RANBP17: variants seen among roughly 807,000 people sequenced by gnomAD.
RANBP17 encodes the protein RAN binding protein 17, also known as ran-binding protein 17.
RANBP17 carries 158 observed loss-of-function variants against 141.2 expected under a neutral mutation model. That is an observed-to-expected ratio of 1.12 (90% CI 0.98 to 1.28). The LOEUF is 1.28. Among genes scored for constraint, RANBP17 ranks in the 50% most tolerant of loss-of-function variants. The pLI, the probability that RANBP17 is intolerant of heterozygous loss-of-function variation, is 0.00. For synonymous variants in RANBP17, 430 were observed against 450.0 expected (o/e 0.96, Z 0.56); for missense variants, 1,438 against 1,290.7 (o/e 1.11, Z -1.75).
intron 13 of RANBP17, among the ~76,000 whole-genome samples, chr5:170,954,667 C>T (rs1306754241): frequency 1.3e-5 from 2 of 149,018 alleles, no homozygotes; most frequent in African/African-American, 5.0e-5. Flanking sequence ...TTAGGTTGTT[C>T]CTCAATTTTT....
chr5:171,175,669 A>G (rs1760416636), intron 16 of RANBP17, among the ~76,000 whole-genome samples: 1 of 152,150 alleles, frequency 6.6e-6, no homozygotes, highest in Admixed American at 6.6e-5. Context: ...GCCAACAAAC[A>G]TATGAAAAAA....
At chr5:171,051,929 T>C (rs1237286333) in intron 14 of RANBP17, among the ~76,000 whole-genome samples, 3 of 152,180 alleles carry the variant, frequency 2.0e-5, no homozygotes, top group Non-Finnish European at 1.5e-5. Context: ...TGTTGTTTTA[T>C]GTTATTGTAG....
intron 14 of RANBP17, among the ~76,000 whole-genome samples, chr5:171,069,272 C>T (rs1382781407): frequency 6.6e-6 from 1 of 152,200 alleles, no homozygotes; most frequent in Non-Finnish European, 1.5e-5. Context: ...GCCCTAGCAG[C>T]AGGAAGCTGC....
intron 19 of RANBP17, among the ~76,000 whole-genome samples, chr5:171,200,101 T>C (rs973782021): frequency 6.6e-6 from 1 of 152,200 alleles, no homozygotes; most frequent in East Asian, 1.9e-4. Flanking sequence ...TGCACTGTTA[T>C]GTTACAACAG....
At chr5:170,869,811 G>A (rs1767565905) in intron 1 of RANBP17, among the ~76,000 whole-genome samples, 1 of 152,180 alleles carries the variant, frequency 6.6e-6, no homozygotes, top group Non-Finnish European at 1.5e-5. Flanking sequence ...TATAGGTACT[G>A]GAGTTGGGAG....
chr5:171,299,211 G>A lies in RANBP17; in HGVS notation c.*353G>A, dbSNP rs1408015887. Reference sequence around the variant, plus strand: ...ACTAGTTTATGGTTCTGCAGTCAAGGTTGTCAATTTGTTGGAGATGCAGCC... The same window carrying A: ...ACTAGTTTATGGTTCTGCAGTCAAGATTGTCAATTTGTTGGAGATGCAGCC... On this transcript the variant is annotated 3_prime_UTR_variant, in exon 28 of 28. Transcript: ENST00000523189. The A allele has an allele frequency of 1.2e-4, 30 of 248,156 alleles. No homozygotes were observed. In the Admixed American group the frequency reaches 1.6e-3, roughly 13 times the overall value. 15.4% of individuals were successfully genotyped at this position (248,156 alleles called of 1,614,324 possible). A position where few individuals can be genotyped will look rare whatever the true frequency, so the allele number is the denominator to read the frequency against.
intron 24 of RANBP17, among the ~76,000 whole-genome samples, chr5:171,257,980 C>T (rs1766016632): frequency 6.6e-6 from 1 of 152,010 alleles, no homozygotes; most frequent in African/African-American, 2.4e-5. Context: ...TGGCACATGC[C>T]TGTTAATCCC....
At chr5:171,291,289 G>A (rs1029487162) in intron 25 of RANBP17, among the ~76,000 whole-genome samples, 4 of 152,176 alleles carry the variant, frequency 2.6e-5, no homozygotes, top group Non-Finnish European at 5.9e-5. Context: ...AGTAGATATC[G>A]TATGTGTTTT....
chr5:170,914,123 C>A (rs769096215), intron 7 of RANBP17, 44 bp from the exon 8 acceptor site: 2 of 1,272,122 alleles, frequency 1.6e-6, no homozygotes, highest in Non-Finnish European at 2.3e-6. Context: ...GTTAAGATCA[C>A]TGAATTGAAA....
At position 171,147,856 on chromosome 5, in the gene RANBP17, C is replaced by G. The variant is rs558859775; in HGVS notation, c.1711-22274C>G. The stretch of plus-strand genomic sequence containing the variant: ...CGCCCTTACTGGGAAGTGAGGAGCC[C>G]CTCTGCCCGGCCACCACCCCGTCTG... On this transcript the variant is annotated intron_variant, in intron 14 of 27. Transcript: ENST00000523189. 3.2e-3 allele frequency among the ~76,000 whole-genome samples: 481 copies of G among 152,256 alleles called. 4 individuals are homozygous for G. The highest frequency in any genetic ancestry group is 0.024 in the South Asian group (115 of 4,822).
chr5:171,265,487 G>A (rs1188970342), intron 24 of RANBP17, among the ~76,000 whole-genome samples, 194 bp from the exon 25 acceptor site: 1 of 152,158 alleles, frequency 6.6e-6, no homozygotes, highest in Non-Finnish European at 1.5e-5. Context: ...CCAAGATCAC[G>A]CCATTGCACT....
chr5:171,224,523 A>G lies in RANBP17; in HGVS notation c.2422+2683A>G, dbSNP rs148896278. On this transcript the variant is annotated intron_variant, in intron 22 of 27. Coordinates refer to ENST00000523189, the MANE Select transcript of RANBP17 (RefSeq NM_022897.5). Reference sequence around the variant, plus strand: ...ATTCTCACAGAATAATGCCAAATCTATGGGCTTCAAAGGTTGTTCTGTTCT... The same window carrying G: ...ATTCTCACAGAATAATGCCAAATCTGTGGGCTTCAAAGGTTGTTCTGTTCT... 4.6e-5 allele frequency among the ~76,000 whole-genome samples: 7 copies of G among 152,324 alleles called. 1 individual carries two copies. Among genetic ancestry groups the G allele is most frequent in the African/African-American group, 1.2e-4 (5 of 41,592 alleles).
At chr5:170,993,004 T>G (rs1342953202) in intron 14 of RANBP17, among the ~76,000 whole-genome samples, 2 of 152,078 alleles carry the variant, frequency 1.3e-5, no homozygotes, top group Non-Finnish European at 2.9e-5. Context: ...GCAGATGCTC[T>G]GCCTTGTTTC....
intron 1 of RANBP17, among the ~76,000 whole-genome samples, chr5:170,867,445 A>G (rs757834507): frequency 1.2e-4 from 19 of 152,204 alleles, no homozygotes; most frequent in Admixed American, 3.3e-4. Context: ...AATAAATATT[A>G]TCTATTTTAT....
intron 14 of RANBP17, among the ~76,000 whole-genome samples, chr5:170,986,322 A>G (rs1482787276): frequency 1.3e-5 from 2 of 152,056 alleles, no homozygotes; most frequent in South Asian, 4.1e-4. Context: ...CTAGTGATAT[A>G]TAAGCATGTT....
chr5:171,013,633 A>G (rs796591566), intron 14 of RANBP17, among the ~76,000 whole-genome samples: 6 of 152,122 alleles, frequency 3.9e-5, no homozygotes, highest in African/African-American at 9.6e-5. Flanking sequence ...CTTTAAGCCT[A>G]TCCTATCCCA....
At chr5:170,873,422 G>T (rs924700882) in intron 1 of RANBP17, among the ~76,000 whole-genome samples, 2 of 152,200 alleles carry the variant, frequency 1.3e-5, no homozygotes, top group African/African-American at 2.4e-5. Flanking sequence ...AGAAAGAATG[G>T]TATCAGCTCC....
intron 5 of RANBP17, 60 bp from the exon 6 acceptor site, chr5:170,909,601 T>C: frequency 6.6e-6 from 3 of 454,852 alleles, no homozygotes; most frequent in East Asian, 3.9e-5. Context: ...TTTTTTTTAG[T>C]AAATTTTGGT....
chr5:170,964,353 T>C (rs1033199760), intron 13 of RANBP17, among the ~76,000 whole-genome samples: 1 of 152,090 alleles, frequency 6.6e-6, no homozygotes, highest in African/African-American at 2.4e-5. Context: ...TTTGAAAATA[T>C]TATGGTGTAT....
Sources: allele counts gnomAD v4.1 joint callset (sites outside exome capture counted in the v4.1 genomes callset), GRCh38; gene constraint gnomAD v4.1.1; transcripts MANE v1.5; gene names NCBI Gene and HGNC (gene_info 2026-07-23, HGNC 2026-07-21).